Variants in TACO1 observed in about 807,000 individuals in gnomAD.
TACO1 encodes the protein translational activator of cytochrome c oxidase I.
Under a neutral mutation model 24.0 loss-of-function variants are expected in TACO1, and 13 were observed. The observed-to-expected ratio is 0.54, with a 90% CI of 0.35 to 0.86. The LOEUF is 0.86. Among genes scored for constraint, TACO1 ranks in the 40% least tolerant of loss-of-function variants. The pLI is 0.01. For synonymous variants in TACO1, 149 were observed against 153.5 expected, an observed-to-expected ratio of 0.97 and a Z score of 0.22; for missense variants, 352 against 380.1, an observed-to-expected ratio of 0.93 and a Z score of 0.61.
intron 4 of TACO1, 135 bp from the exon 5 acceptor site, chr17:63,607,667 A>T: frequency 1.0e-6 from 1 of 997,544 alleles, no homozygotes; most frequent in Admixed American, 1.9e-5. Context: ...AACATTGAAA[A>T]CGATGTCCCT....
intron 2 of TACO1, among the ~76,000 whole-genome samples, chr17:63,605,445 C>T (rs184603614): frequency 6.6e-6 from 1 of 152,288 alleles, no homozygotes; most frequent in East Asian, 1.9e-4. Context: ...TTATTGAGTG[C>T]TTCCTGCAGG....
In TACO1 at chr17:63,601,075, T is replaced by C; in HGVS notation, c.-9T>C. On this transcript the variant is annotated 5_prime_UTR_variant, in exon 1 of 5. Coordinates refer to ENST00000258975, the MANE Select transcript of TACO1 (RefSeq NM_016360.4). ...GCTGCTAGCAGCTTGAACCCCAGGGTCGGGACCGATGTCGGCTTGGGCTGC... is the reference window on the plus strand; with the variant it reads ...GCTGCTAGCAGCTTGAACCCCAGGGCCGGGACCGATGTCGGCTTGGGCTGC... 6.5e-7 allele frequency: 1 copy of C among 1,539,872 alleles called. No individual in the cohort carries two copies.
Position 63,604,616 on chromosome 17 carries a change from G to T in TACO1, c.363G>T (p.Thr121=). The change falls in exon 2 of 5, where the codon ACG becomes ACT. Residue 121 remains threonine (T), a synonymous_variant. Transcript: ENST00000258975. ...GCAGCAAACATATGCCCAAGTCAACGATTGAGACAGCACTGAAAATGGAGG... is the reference window on the plus strand; with the variant it reads ...GCAGCAAACATATGCCCAAGTCAACTATTGAGACAGCACTGAAAATGGAGG... The part of the protein sequence containing the change: ...VCRSKHMPKS[T]IETALKMEKS... 6.2e-7 allele frequency: 1 copy of T among 1,614,116 alleles called. No homozygotes were observed. The highest frequency in any genetic ancestry group is 1.7e-5 in the Admixed American group (1 of 60,020).
intron 2 of TACO1, among the ~76,000 whole-genome samples, chr17:63,605,188 G>C (rs2033853674): frequency 6.6e-6 from 1 of 152,150 alleles, no homozygotes; most frequent in Admixed American, 6.6e-5. Context: ...GCTCAGCCAA[G>C]TTGTAGGGAG....
intron 2 of TACO1, 21 bp from the exon 3 acceptor site, chr17:63,606,292 T>G (rs754098421): frequency 4.4e-5 from 71 of 1,612,490 alleles, no homozygotes; most frequent in Non-Finnish European, 5.7e-5. Flanking sequence ...CAGGAAAATG[T>G]GCTTGTGTTG....
chr17:63,606,342 G>A lies in TACO1; in HGVS notation c.417G>A (p.Glu139=), dbSNP rs1305667191. The A allele has an allele frequency of 2.5e-6, 4 of 1,613,838 alleles. No individual in the cohort carries two copies. In the Admixed American group the frequency reaches 6.7e-5, roughly 27 times the overall value. ...CCAAGGACACTTATTTGCTGTATGA[G>A]GGTCGAGGCCCTGGTGGCTCTTCTC... ...EKSKDTYLLY[E]GRGPGGSSLL... The change falls in exon 3 of 5, where the codon GAG becomes GAA. Residue 139 remains glutamate (E), a synonymous_variant. Coordinates refer to ENST00000258975, the MANE Select transcript of TACO1 (RefSeq NM_016360.4).
chr17:63,604,329 C>G (rs535915826), intron 1 of TACO1, among the ~76,000 whole-genome samples: 1 of 152,286 alleles, frequency 6.6e-6, no homozygotes, highest in East Asian at 1.9e-4. Flanking sequence ...GAGTGAGACT[C>G]CATCTCAAAA....
chr17:63,604,684 C>G (rs147925871), intron 2 of TACO1, 44 bp downstream of exon 2: 2 of 1,551,558 alleles, frequency 1.3e-6, no homozygotes, highest in Non-Finnish European at 1.8e-6. Flanking sequence ...CAGCCTCTAC[C>G]GGGCTCATGT....
rs2033876728 is a variant in TACO1 at position 63,607,988 on chromosome 17, G to A, written c.880G>A (p.Asp294Asn). The change falls in exon 5 of 5, where the codon GAT (aspartate) becomes AAT (asparagine). Residue 294 changes from aspartate to asparagine, a missense_variant. Transcript: ENST00000258975. Reference sequence around the variant, plus strand: ...CCACGAGGATGTGATTCACGTCTATGATAACATTGAATAACCAGGCTACAT... The same window carrying A: ...CCACGAGGATGTGATTCACGTCTATAATAACATTGAATAACCAGGCTACAT... ...SNHEDVIHVYDNIE is the reference protein window; with the variant it reads ...SNHEDVIHVYNNIE 1 of 1,614,050 alleles carries A rather than the reference G, an allele frequency of 6.2e-7. No homozygotes were observed. Among genetic ancestry groups the A allele is most frequent in the Non-Finnish European group, 8.5e-7 (1 of 1,180,056 alleles).
rs961982965 is a variant in TACO1 at position 63,600,951 on chromosome 17, G to A, written c.-133G>A. ...CATTAGCTGTTGAGCCGCCCCGGGC[G>A]GGCCCAAGCCTTTGGATCTCAGGTG... On this transcript the variant is annotated 5_prime_UTR_variant, in exon 1 of 5. Transcript: ENST00000258975. 1.4e-5 allele frequency: 15 copies of A among 1,059,660 alleles called. No individual in the cohort carries two copies. In the African/African-American group the frequency reaches 2.2e-4, roughly 16 times the overall value. The allele number at this position is 1,059,660 out of a possible 1,614,324, so 65.6% of individuals were successfully genotyped here.
intron 1 of TACO1, among the ~76,000 whole-genome samples, chr17:63,603,699 G>C (rs992855225): frequency 2.0e-5 from 3 of 148,304 alleles, no homozygotes; most frequent in African/African-American, 5.1e-5. Context: ...ATGGATGACA[G>C]AGTGAGACTC....
At chr17:63,601,444 C>T in intron 1 of TACO1, 81 bp downstream of exon 1, 2 of 1,478,098 alleles carry the variant, frequency 1.4e-6, no homozygotes, top group Non-Finnish European at 9.3e-7. Flanking sequence ...CGGAATTGGG[C>T]CCACCTAGAT....
At chr17:63,602,245 A>G (rs1040391666) in intron 1 of TACO1, among the ~76,000 whole-genome samples, 3 of 149,036 alleles carry the variant, frequency 2.0e-5, no homozygotes, top group Non-Finnish European at 4.5e-5. Context: ...CCTGGGTGAC[A>G]GAGCAAGACT....
rs761189530 is a variant in TACO1 at position 63,607,955 on chromosome 17, C to G, written c.847C>G (p.Leu283Val). The G allele has an allele frequency of 3.1e-6, 5 of 1,614,204 alleles. No individual in the cohort carries two copies. The highest frequency in any genetic ancestry group is 1.7e-5 in the Admixed American group (1 of 60,026). The change falls in exon 5 of 5, where the codon CTC (leucine) becomes GTC (valine). Residue 283 changes from leucine to valine, a missense_variant. Coordinates refer to ENST00000258975, the MANE Select transcript of TACO1 (RefSeq NM_016360.4). ...LEQAAHLIQA[L>V]SNHEDVIHVY... ...ACAGGCCGCACATCTCATTCAGGCTCTCAGCAACCACGAGGATGTGATTCA... is the reference window on the plus strand; with the variant it reads ...ACAGGCCGCACATCTCATTCAGGCTGTCAGCAACCACGAGGATGTGATTCA...
At chr17:63,602,100 A>AC (rs1437321828) in intron 1 of TACO1, among the ~76,000 whole-genome samples, 2 of 150,454 alleles carry the variant, frequency 1.3e-5, no homozygotes, top group Non-Finnish European at 3.0e-5. Context: ...CAAAAAAAAA[A>AC]AAAAAAAAAA....
chr17:63,606,390 CA>C lies in TACO1; in HGVS notation c.466del (p.Ser156ValfsTer13), dbSNP rs1196812953. On this transcript the variant is annotated frameshift_variant, in exon 3 of 5. Transcript: ENST00000258975. LOFTEE classifies it high-confidence loss of function. ...CTCTGCTCATCGAGGCATTATCTAA[CA>C]GTAGCCACAAGTGCCAAGCAGACAT... ...SSLLIEALSNSSHKCQADIRH... is the reference protein window; with the variant it reads ...SSLLIEALSNXSHKCQADIRH... 5.0e-6 allele frequency: 8 copies of C among 1,614,072 alleles called. No individual in the cohort carries two copies. Among genetic ancestry groups the C allele is most frequent in the Non-Finnish European group, 5.9e-6 (7 of 1,180,030 alleles).
At position 63,600,985 on chromosome 17, in the gene TACO1, A is replaced by T; in HGVS notation, c.-99A>T. On this transcript the variant is annotated 5_prime_UTR_variant, in exon 1 of 5. Transcript: ENST00000258975. ...CCTTTGGATCTCAGGTGACCGGCAC[A>T]GGCGGCCGCGGGGTCCGGAACTGCT... is the stretch of plus-strand genomic sequence containing the variant. The T allele has an allele frequency of 1.4e-6, 2 of 1,405,646 alleles. No homozygotes were observed. The highest frequency in any genetic ancestry group is 1.9e-6 in the Non-Finnish European group (2 of 1,033,574). 87.1% of individuals were successfully genotyped at this position (1,405,646 alleles called of 1,614,324 possible).
chr17:63,605,245 G>A (rs778020221), intron 2 of TACO1, among the ~76,000 whole-genome samples: 5 of 152,184 alleles, frequency 3.3e-5, no homozygotes, highest in Middle Eastern at 3.4e-3. Context: ...AAGCCCTTAC[G>A]TTAGGTGGAG....
intron 1 of TACO1, among the ~76,000 whole-genome samples, chr17:63,604,121 T>C (rs988026151): frequency 1.3e-5 from 2 of 152,018 alleles, no homozygotes; most frequent in African/African-American, 4.8e-5. Context: ...GTGGATCACC[T>C]GAGGTCAGGA....
Sources: gnomAD v4.1 joint callset for allele counts (sites outside exome capture counted in the v4.1 genomes callset) on GRCh38, gnomAD v4.1.1 for gene constraint, MANE v1.5 for transcripts, NCBI Gene and HGNC (gene_info 2026-07-23, HGNC 2026-07-21) for gene names.